Variants in COLEC11 observed in about 807,000 individuals in gnomAD.
COLEC11 encodes collectin-11.
A neutral mutation model predicts 27.3 loss-of-function variants in COLEC11; 20 were observed. The observed-to-expected ratio is 0.73, with a 90% confidence interval of 0.51 to 1.06. The LOEUF is 1.06. Ranked by LOEUF, COLEC11 falls within the 50% of genes least tolerant of loss-of-function variation. The pLI is 0.00. For missense variants in COLEC11, 310 were observed against 383.0 expected, an observed-to-expected ratio of 0.81 and a Z score of 1.59; for synonymous variants, 163 against 154.7, an observed-to-expected ratio of 1.05 and a Z score of -0.40.
At position 3,644,165 on chromosome 2, in the gene COLEC11, G is replaced by C. The variant is rs754095135; in HGVS notation, c.*47G>C. 1.3e-6 allele frequency: 2 copies of C among 1,597,848 alleles called. No homozygotes were observed. Among genetic ancestry groups the C allele is most frequent in the Non-Finnish European group, 1.7e-6 (2 of 1,177,972 alleles). ...TTGGGGGCCCCACATGTCCCTGCAG[G>C]GTTGGCAGGGACAGAGCCCAGACCA... is the stretch of plus-strand genomic sequence containing the variant. On this transcript the variant is annotated 3_prime_UTR_variant, in exon 7 of 7. Coordinates refer to ENST00000349077, the MANE Select transcript of COLEC11 (RefSeq NM_024027.5).
rs748322383 is a variant in COLEC11 at position 3,642,156 on chromosome 2, C to T, written c.329-1288C>T. Among the ~76,000 whole-genome samples the T allele has an allele frequency of 4.6e-5, 7 of 152,190 alleles. No homozygotes were observed. In the South Asian group the frequency reaches 6.2e-4, roughly 13 times the overall value. On this transcript the variant is annotated intron_variant, in intron 5 of 6. Transcript: ENST00000349077. ...CAGCTGCGTGTTCTGGACACCGTGCCGTCTGCGAGGCATCAGAGGGACTTC... is the reference window on the plus strand; with the variant it reads ...CAGCTGCGTGTTCTGGACACCGTGCTGTCTGCGAGGCATCAGAGGGACTTC...
chr2:3,631,311 C>T (rs1389363535), intron 3 of COLEC11, among the ~76,000 whole-genome samples: 3 of 152,188 alleles, frequency 2.0e-5, no homozygotes, highest in South Asian at 2.1e-4. Context: ...GCAGACTGGC[C>T]GAGAGCGAAG....
chr2:3,619,510 A>G (rs186915396), intron 3 of COLEC11, among the ~76,000 whole-genome samples: 1 of 152,336 alleles, frequency 6.6e-6, no homozygotes, highest in African/African-American at 2.4e-5. Context: ...ACGTTCTTTC[A>G]GCATCTACTG....
rs191991305 is a variant in COLEC11 at position 3,612,623 on chromosome 2, G to C, written c.131-688G>C. Among the ~76,000 whole-genome samples the C allele has an allele frequency of 1.3e-3, 195 of 152,210 alleles. 1 individual carries two copies. The highest frequency in any genetic ancestry group is 4.5e-3 in the African/African-American group (186 of 41,522). ...GTCATTTTGGTGTGGATTAGAGTGG[G>C]GGGAGAAGACTGGAGTGGAGGTGTT... is the stretch of plus-strand genomic sequence containing the variant. On this transcript the variant is annotated intron_variant, in intron 2 of 6. Coordinates refer to ENST00000349077, the MANE Select transcript of COLEC11 (RefSeq NM_024027.5).
chr2:3,600,667 G>C (rs1053290982), intron 1 of COLEC11, among the ~76,000 whole-genome samples: 6 of 152,362 alleles, frequency 3.9e-5, no homozygotes, highest in African/African-American at 1.2e-4. Context: ...GCGTGGATGG[G>C]AGCGGGGCTG....
At chr2:3,606,719 C>G (rs1377141255) in intron 2 of COLEC11, among the ~76,000 whole-genome samples, 1 of 152,172 alleles carries the variant, frequency 6.6e-6, no homozygotes, top group Non-Finnish European at 1.5e-5. Flanking sequence ...GAGGCGAGCA[C>G]CAGGGGCAAG....
chr2:3,608,737 T>A (rs2147869250), intron 2 of COLEC11, among the ~76,000 whole-genome samples: 1 of 152,210 alleles, frequency 6.6e-6, no homozygotes, highest in South Asian at 2.1e-4. Flanking sequence ...ACAGCCTTGG[T>A]TCTTAAGATG....
chr2:3,630,278 GTA>G lies in COLEC11; in HGVS notation c.203-7251_203-7250del, dbSNP rs200767419. Among the ~76,000 whole-genome samples the G allele has an allele frequency of 6.0e-3, 918 of 152,304 alleles. 9 individuals are homozygous for G. Among genetic ancestry groups the G allele is most frequent in the African/African-American group, 0.021 (854 of 41,556 alleles). ...GTGTACATGCATGTATGTGTGTATA[GTA>G]TATGTGCATATGTCTGTATATAATG... On this transcript the variant is annotated intron_variant, in intron 3 of 6. Transcript: ENST00000349077.
intron 3 of COLEC11, among the ~76,000 whole-genome samples, chr2:3,628,190 G>A (rs1664696046): frequency 6.6e-6 from 1 of 152,188 alleles, no homozygotes; most frequent in African/African-American, 2.4e-5. Flanking sequence ...GCAATCTGTG[G>A]GTGATCCCAG....
intron 3 of COLEC11, among the ~76,000 whole-genome samples, chr2:3,632,149 T>G (rs763349693): frequency 6.6e-6 from 1 of 152,190 alleles, no homozygotes; most frequent in Non-Finnish European, 1.5e-5. Context: ...AACTGAGGCT[T>G]ACAGAGGGCT....
At chr2:3,605,650 C>T (rs911192539) in intron 2 of COLEC11, 2 of 195,800 alleles carry the variant, frequency 1.0e-5, no homozygotes, top group Middle Eastern at 2.5e-3. Context: ...CCGGTCCGCC[C>T]CCTCCTCATC....
chr2:3,635,713 A>G (rs1665355664), intron 3 of COLEC11, among the ~76,000 whole-genome samples: 1 of 152,196 alleles, frequency 6.6e-6, no homozygotes, highest in South Asian at 2.1e-4. Context: ...CTGGCTGTCC[A>G]GCTCCAGCCT....
intron 1 of COLEC11, among the ~76,000 whole-genome samples, chr2:3,595,566 G>T (rs544410830): frequency 6.6e-6 from 1 of 152,300 alleles, no homozygotes; most frequent in South Asian, 2.1e-4. Flanking sequence ...AGCGTCTGAC[G>T]GGCCAGGCGG....
chr2:3,623,555 T>C (rs2147915227), intron 3 of COLEC11, among the ~76,000 whole-genome samples: 1 of 152,290 alleles, frequency 6.6e-6, no homozygotes, highest in Middle Eastern at 3.4e-3. Context: ...ATATTCTTTC[T>C]TTTCTTTTGT....
At chr2:3,643,397 C>G in intron 5 of COLEC11, 47 bp from the exon 6 acceptor site, 1 of 1,483,346 alleles carries the variant, frequency 6.7e-7, no homozygotes, top group Non-Finnish European at 9.4e-7. Context: ...TCTTCTGAGT[C>G]CGAGTCCTCA....
At chr2:3,643,625 G>A (rs896339773) in intron 6 of COLEC11, 86 bp downstream of exon 6, 40 of 1,592,410 alleles carry the variant, frequency 2.5e-5, no homozygotes, top group Non-Finnish European at 2.9e-5. Context: ...CCGTGCCCAC[G>A]CCTGCCCTGC....
At chr2:3,624,822 A>T (rs1664417758) in intron 3 of COLEC11, among the ~76,000 whole-genome samples, 1 of 152,154 alleles carries the variant, frequency 6.6e-6, no homozygotes, top group Admixed American at 6.5e-5. Flanking sequence ...TATGGTAGAA[A>T]GCTCCTCTTC....
chr2:3,606,336 C>A (rs1662696799), intron 2 of COLEC11: 2 of 1,095,024 alleles, frequency 1.8e-6, no homozygotes, highest in Non-Finnish European at 1.3e-6. Flanking sequence ...GGGTCCTTCC[C>A]AGCTGTCCAC....
chr2:3,625,194 T>C (rs1664454962), intron 3 of COLEC11, among the ~76,000 whole-genome samples: 1 of 152,170 alleles, frequency 6.6e-6, no homozygotes, highest in South Asian at 2.1e-4. Flanking sequence ...CTTCCTTCCT[T>C]CTCCCACTTA....
Sources: allele counts gnomAD v4.1 joint callset (sites outside exome capture counted in the v4.1 genomes callset), GRCh38; gene constraint gnomAD v4.1.1; transcripts MANE v1.5; gene names NCBI Gene and HGNC (gene_info 2026-07-23, HGNC 2026-07-21).